Variants in CAMSAP3 observed in about 807,000 individuals in gnomAD.
CAMSAP3 encodes calmodulin regulated spectrin associated protein family member 3, also known as calmodulin-regulated spectrin-associated protein 3.
Under a neutral mutation model 112.5 loss-of-function variants are expected in CAMSAP3, and 34 were observed. The ratio of observed to expected loss-of-function variants is 0.30; its 90% CI spans 0.23 to 0.40. CAMSAP3 has a LOEUF of 0.40. Ranked by LOEUF, CAMSAP3 falls within the 10% of genes least tolerant of loss-of-function variation. The pLI is 1.00. For synonymous variants in CAMSAP3, 868 were observed against 799.8 expected (o/e 1.09, Z -1.44); for missense variants, 1,602 against 1,770.3 (o/e 0.90, Z 1.71).
chr19:7,595,896 G>C lies in CAMSAP3; in HGVS notation c.-107G>C, dbSNP rs2146147668. The C allele has an allele frequency of 2.1e-6, 1 of 473,292 alleles. No homozygotes were observed. The highest frequency in any genetic ancestry group is 6.6e-5 in the Admixed American group (1 of 15,130). The allele number at this position is 473,292 out of a possible 1,614,324, so 29.3% of individuals were successfully genotyped here. The stretch of plus-strand genomic sequence containing the variant: ...CTCAGCAGCGGCGGCGGCGGCGGCG[G>C]CGGCAGCGGCGGTAGCAGCAGCGGG... On this transcript the variant is annotated 5_prime_UTR_variant, in exon 1 of 17. Transcript: ENST00000160298.
At chr19:7,606,451 C>T (rs376515531) in intron 3 of CAMSAP3, 25 bp from the exon 4 acceptor site, 6 of 1,608,298 alleles carry the variant, frequency 3.7e-6, no homozygotes, top group African/African-American at 1.3e-5. Flanking sequence ...GTGGCCAGAC[C>T]ACTGACCCCC....
Position 7,608,111 on chromosome 19 carries a change from G to T in CAMSAP3, c.622-15G>T. The T allele has an allele frequency of 6.2e-7, 1 of 1,608,350 alleles. No individual in the cohort carries two copies. Among genetic ancestry groups the T allele is most frequent in the Non-Finnish European group, 8.5e-7 (1 of 1,177,928 alleles). On this transcript the variant is annotated splice_polypyrimidine_tract_variant and intron_variant, in intron 4 of 16. Transcript: ENST00000160298. ...GCCAGCCTGGCCACTCACCTGACCTGGCTCCCATCTGCAGATCCGATACCG... is the reference window on the plus strand; with the variant it reads ...GCCAGCCTGGCCACTCACCTGACCTTGCTCCCATCTGCAGATCCGATACCG...
Position 7,611,716 on chromosome 19 carries a change from G to T in CAMSAP3, c.1223G>T (p.Ser408Ile), listed in dbSNP as rs1197016271. 6.4e-7 allele frequency: 1 copy of T among 1,559,164 alleles called. No individual in the cohort carries two copies. The highest frequency in any genetic ancestry group is 1.4e-5 in the African/African-American group (1 of 73,964). The stretch of plus-strand genomic sequence containing the variant: ...CCCCTCTCCCAGGCTGTGTCATTCA[G>T]CACCCCCTTTGGCCTGGACAGCGAC... ...SRPLSQAVSF[S>I]TPFGLDSDVD... Residue 408 changes from serine to isoleucine, a missense_variant, in exon 11 of 17, where the codon AGC becomes ATC. Physicochemically the swap from Ser to Ile is moderately radical, Grantham distance 142. This residue lies in a region of CAMSAP3 where 1,100 missense variants were observed against 1,135.7 expected (regional missense o/e 0.97). Coordinates refer to ENST00000160298, the MANE Select transcript of CAMSAP3 (RefSeq NM_020902.2). The surrounding 1 kb of genome is among the most constrained non-coding windows in gnomAD (Gnocchi z 6.9).
At position 7,607,699 on chromosome 19, in the gene CAMSAP3, G is replaced by A. The variant is rs2030287607; in HGVS notation, c.622-427G>A. 2.5e-6 allele frequency: 1 copy of A among 406,522 alleles called. No individual in the cohort carries two copies. The highest frequency in any genetic ancestry group is 4.6e-6 in the Non-Finnish European group (1 of 219,422). 25.2% of individuals were successfully genotyped at this position (406,522 alleles called of 1,614,324 possible). A position where few individuals can be genotyped will look rare whatever the true frequency, so the allele number is the denominator to read the frequency against. ...TCGCGAAGCCGGCCAGAGCAGTCAG[G>A]GAGCTGGACGGCCGGGGCTCAGGAC... On this transcript the variant is annotated intron_variant, in intron 4 of 16. Transcript: ENST00000160298. This position sits in a 1 kb window ranked among gnomAD's most constrained non-coding sequence, Gnocchi z 4.9.
At position 7,607,875 on chromosome 19, in the gene CAMSAP3, T is replaced by C; in HGVS notation, c.622-251T>C. 1.8e-6 allele frequency: 2 copies of C among 1,142,050 alleles called. No individual in the cohort carries two copies. The highest frequency in any genetic ancestry group is 2.5e-6 in the Non-Finnish European group (2 of 791,320). 70.7% of individuals were successfully genotyped at this position (1,142,050 alleles called of 1,614,324 possible). A position where few individuals can be genotyped will look rare whatever the true frequency, so the allele number is the denominator to read the frequency against. Reference sequence around the variant, plus strand: ...GGGGAGCAAACCCCCCATGGTAATGTATCCCCCGCCCCGGGGTCCCAGGAG... The same window carrying C: ...GGGGAGCAAACCCCCCATGGTAATGCATCCCCCGCCCCGGGGTCCCAGGAG... On this transcript the variant is annotated intron_variant, in intron 4 of 16. Coordinates refer to ENST00000160298, the MANE Select transcript of CAMSAP3 (RefSeq NM_020902.2). The surrounding 1 kb of genome is among the most constrained non-coding windows in gnomAD (Gnocchi z 4.9).
At chr19:7,606,154 C>A in intron 2 of CAMSAP3, 117 bp from the exon 3 acceptor site, 5 of 488,846 alleles carry the variant, frequency 1.0e-5, no homozygotes, top group East Asian at 7.7e-5. Flanking sequence ...CCCTCAAGCC[C>A]CACCCCCCCC....
chr19:7,617,401 C>A lies in CAMSAP3; in HGVS notation c.3288C>A (p.Ser1096Arg), dbSNP rs781183026. The A allele has an allele frequency of 6.2e-7, 1 of 1,614,096 alleles. No individual in the cohort carries two copies. Among genetic ancestry groups the A allele is most frequent in the Non-Finnish European group, 8.5e-7 (1 of 1,179,982 alleles). Residue 1096 changes from serine (S) to arginine (R), a missense_variant, in exon 15 of 17, where the codon AGC (serine) becomes AGA (arginine). Ser to Arg is a moderately radical substitution (Grantham distance 110). Coordinates refer to ENST00000160298, the MANE Select transcript of CAMSAP3 (RefSeq NM_020902.2). This position sits in a 1 kb window ranked among gnomAD's most constrained non-coding sequence, Gnocchi z 7.5. The stretch of plus-strand genomic sequence containing the variant: ...GCGAACGGGACTGGGAAAATGGCAG[C>A]AATGCCTCCTCCCCAGCGTCAGTGC... ...GSRERDWENG[S>R]NASSPASVPE...
chr19:7,610,353 C>A lies in CAMSAP3; in HGVS notation c.761-123C>A. ...AAAAAAGAATTCACCTCTCGAAGGG[C>A]ACCTGGCAGAAGCTGGGCTCATAGG... On this transcript the variant is annotated intron_variant, in intron 5 of 16. Coordinates refer to ENST00000160298, the MANE Select transcript of CAMSAP3 (RefSeq NM_020902.2). This position sits in a 1 kb window ranked among gnomAD's most constrained non-coding sequence, Gnocchi z 4.9. The A allele has an allele frequency of 1.2e-6, 1 of 807,090 alleles. No individual in the cohort carries two copies. Among genetic ancestry groups the A allele is most frequent in the Non-Finnish European group, 2.0e-6 (1 of 509,140 alleles). The allele number at this position is 807,090 out of a possible 1,614,324, so 50.0% of individuals were successfully genotyped here. A position where few individuals can be genotyped will look rare whatever the true frequency, so the allele number is the denominator to read the frequency against.
At position 7,611,772 on chromosome 19, in the gene CAMSAP3, C is replaced by G; in HGVS notation, c.1279C>G (p.Leu427Val). ...VDVVMGDPVL[L>V]RSVSSDSLGP... ...TGTCGTCATGGGAGACCCTGTGCTC[C>G]TCCGCTCTGTGAGCTCGGACAGCCT... Residue 427 changes from leucine (L) to valine (V), a missense_variant, in exon 11 of 17, where the codon CTC becomes GTC. Physicochemically the swap from Leu to Val is conservative, Grantham distance 32. Transcript: ENST00000160298. This position sits in a 1 kb window ranked among gnomAD's most constrained non-coding sequence, Gnocchi z 6.9. 5 of 1,595,752 alleles carry G rather than the reference C, an allele frequency of 3.1e-6. No homozygotes were observed. Among genetic ancestry groups the G allele is most frequent in the Non-Finnish European group, 4.3e-6 (5 of 1,171,404 alleles).
In CAMSAP3 at chr19:7,613,030, T is replaced by G. The variant is rs2030592224; in HGVS notation, c.2537T>G (p.Ile846Ser). The change falls in exon 11 of 17, where the codon ATC (isoleucine) becomes AGC (serine). Residue 846 changes from isoleucine (I) to serine (S), a missense_variant. By Grantham distance (142) the Ile-to-Ser change is moderately radical. Coordinates refer to ENST00000160298, the MANE Select transcript of CAMSAP3 (RefSeq NM_020902.2). ...GCCGCCCGGCCGGGCCTCATCGAGA[T>G]CCCGCTGGGCAGCCTGGCAGATCCC... The part of the protein sequence containing the change: ...EPAARPGLIE[I>S]PLGSLADPAA... The G allele has an allele frequency of 6.4e-7, 1 of 1,554,806 alleles. No homozygotes were observed. Among genetic ancestry groups the G allele is most frequent in the African/African-American group, 1.4e-5 (1 of 72,798 alleles).
intron 1 of CAMSAP3, among the ~76,000 whole-genome samples, chr19:7,604,165 C>G (rs528862752): frequency 3.9e-5 from 6 of 152,092 alleles, no homozygotes; most frequent in Non-Finnish European, 8.8e-5. Flanking sequence ...CAGATTAGAA[C>G]AAGAGCTGGA....
At chr19:7,597,752 G>A (rs184713702) in intron 1 of CAMSAP3, among the ~76,000 whole-genome samples, 13 of 152,258 alleles carry the variant, frequency 8.5e-5, no homozygotes, top group Admixed American at 2.6e-4. Context: ...TAATATTAAC[G>A]TTATCCATTA....
chr19:7,613,983 C>G (rs1599361053), intron 11 of CAMSAP3, among the ~76,000 whole-genome samples: 1 of 152,084 alleles, frequency 6.6e-6, no homozygotes, highest in Non-Finnish European at 1.5e-5. Context: ...CCAGGGTGGC[C>G]GGGCGCAGTG....
At chr19:7,603,222 T>C (rs1413622222) in intron 1 of CAMSAP3, among the ~76,000 whole-genome samples, 13 of 151,392 alleles carry the variant, frequency 8.6e-5, no homozygotes, top group Admixed American at 3.3e-4. Context: ...TTCTTTCTTT[T>C]TTTTTTTTTT....
chr19:7,605,178 T>TGTGTGTGTGTGTGTG, intron 1 of CAMSAP3, 48 bp from the exon 2 acceptor site: 1 of 792,550 alleles, frequency 1.3e-6, no homozygotes, highest in Non-Finnish European at 1.7e-6. Context: ...GTGTGTGTGT[T>TGTGTGTGTGTGTGTG]GTATCTGGTG....
chr19:7,601,999 G>A (rs1199373031), intron 1 of CAMSAP3, among the ~76,000 whole-genome samples: 5 of 152,092 alleles, frequency 3.3e-5, no homozygotes, highest in Non-Finnish European at 7.4e-5. Flanking sequence ...GGGAAGCAGA[G>A]GTCGCAGTGA....
intron 1 of CAMSAP3, among the ~76,000 whole-genome samples, chr19:7,600,981 T>C (rs1210681672): frequency 6.9e-6 from 1 of 145,786 alleles, no homozygotes; most frequent in South Asian, 2.2e-4. Context: ...CATCCATCCA[T>C]CCATCCTAGC....
At chr19:7,602,838 CG>C (rs1416667300) in intron 1 of CAMSAP3, among the ~76,000 whole-genome samples, 6 of 147,476 alleles carry the variant, frequency 4.1e-5, no homozygotes, top group Non-Finnish European at 9.1e-5. Flanking sequence ...AGGCGAGATA[CG>C]GGCCCACAGA....
chr19:7,597,867 T>C (rs1599337455), intron 1 of CAMSAP3, among the ~76,000 whole-genome samples: 1 of 152,084 alleles, frequency 6.6e-6, no homozygotes, highest in Non-Finnish European at 1.5e-5. Context: ...ACTCACCCAG[T>C]TCTGTTCTTG....
Sources: allele counts gnomAD v4.1 joint callset (sites outside exome capture counted in the v4.1 genomes callset), GRCh38; gene constraint gnomAD v4.1.1; regional missense constraint gnomAD v4.1.1; non-coding constraint Gnocchi (gnomAD v3.1); transcripts MANE v1.5; gene names NCBI Gene and HGNC (gene_info 2026-07-23, HGNC 2026-07-21).